Variants in LAPTM4B observed in about 807,000 individuals in gnomAD.
The protein encoded by LAPTM4B is lysosomal protein transmembrane 4 beta.
In LAPTM4B, 26 loss-of-function variants were observed where a neutral mutation model predicts 28.5. The ratio of observed to expected loss-of-function variants is 0.91; its 90% CI spans 0.67 to 1.27. The LOEUF (loss-of-function observed/expected upper bound fraction) is 1.27. Among genes scored for constraint, LAPTM4B ranks in the 50% most tolerant of loss-of-function variants. The pLI, the probability that LAPTM4B is intolerant of heterozygous loss-of-function variation, is 0.00. For synonymous variants in LAPTM4B, 109 were observed against 106.4 expected, an observed-to-expected ratio of 1.02 and a Z score of -0.15; for missense variants, 288 against 285.8, an observed-to-expected ratio of 1.01 and a Z score of -0.06.
chr8:97,829,696 CT>C (rs926939613), intron 6 of LAPTM4B, among the ~76,000 whole-genome samples: 68 of 147,216 alleles, frequency 4.6e-4, no homozygotes, highest in Admixed American at 5.4e-4. Flanking sequence ...TTTCTTTCTT[CT>C]TTTTTTTTTT....
intron 2 of LAPTM4B, among the ~76,000 whole-genome samples, chr8:97,807,157 T>C (rs1254048990): frequency 1.3e-5 from 2 of 152,220 alleles, no homozygotes; most frequent in East Asian, 3.8e-4. Flanking sequence ...GTTTGAGTTC[T>C]GACACCGCCG....
At chr8:97,781,278 CTTTTTTTTTTTTTTT>C (rs71271147) in intron 1 of LAPTM4B, among the ~76,000 whole-genome samples, 1 of 50,820 alleles carries the variant, frequency 2.0e-5, no homozygotes, top group African/African-American at 1.1e-4. Context: ...TGTGCCCGGC[CTTTTTTTTTTTTTTT>C]TTTTTTGAGG....
chr8:97,786,902 C>A (rs745903724), intron 1 of LAPTM4B, among the ~76,000 whole-genome samples: 13 of 151,996 alleles, frequency 8.6e-5, no homozygotes, highest in Non-Finnish European at 2.9e-5. Context: ...AACAAAGAAA[C>A]GCAAAACTGC....
intron 2 of LAPTM4B, among the ~76,000 whole-genome samples, chr8:97,806,804 A>G (rs1159972707): frequency 2.6e-5 from 4 of 152,130 alleles, no homozygotes; most frequent in African/African-American, 9.7e-5. Context: ...TAAAAATAGA[A>G]AAATTAGCCC....
At chr8:97,791,257 G>A (rs1816492801) in intron 1 of LAPTM4B, among the ~76,000 whole-genome samples, 1 of 152,142 alleles carries the variant, frequency 6.6e-6, no homozygotes, top group Non-Finnish European at 1.5e-5. Context: ...CCTGAACTCG[G>A]CTCTGGGCTG....
At chr8:97,827,537 C>A (rs530486724) in intron 6 of LAPTM4B, among the ~76,000 whole-genome samples, 2 of 152,264 alleles carry the variant, frequency 1.3e-5, no homozygotes, top group South Asian at 4.2e-4. Context: ...GTTATGGGAA[C>A]CTCAACTTGA....
At chr8:97,798,988 T>TCACCAGG (rs1263182452) in intron 1 of LAPTM4B, among the ~76,000 whole-genome samples, 1 of 152,204 alleles carries the variant, frequency 6.6e-6, no homozygotes, top group Non-Finnish European at 1.5e-5. Context: ...ATACATCCTG[T>TCACCAGG]CACCAGGCTT....
intron 6 of LAPTM4B, among the ~76,000 whole-genome samples, chr8:97,829,413 G>T (rs1405208243): frequency 6.6e-6 from 1 of 152,138 alleles, no homozygotes; most frequent in Non-Finnish European, 1.5e-5. Context: ...GGACTGGAAT[G>T]CTCCAATTTT....
At chr8:97,823,401 G>A (rs1336045960) in intron 5 of LAPTM4B, among the ~76,000 whole-genome samples, 2 of 145,256 alleles carry the variant, frequency 1.4e-5, no homozygotes, top group African/African-American at 5.1e-5. Context: ...TTGAGACGGA[G>A]TCTCACTCTG....
intron 6 of LAPTM4B, 58 bp from the exon 7 acceptor site, chr8:97,851,339 C>T: frequency 1.4e-6 from 2 of 1,395,152 alleles, no homozygotes; most frequent in South Asian, 1.2e-5. Flanking sequence ...AAAGCTAAAC[C>T]TCGGGGAACG....
chr8:97,813,525 A>G (rs966824192), intron 2 of LAPTM4B, among the ~76,000 whole-genome samples: 3 of 152,254 alleles, frequency 2.0e-5, no homozygotes, highest in African/African-American at 7.2e-5. Context: ...ACACCCAGGA[A>G]CAATACTTTG....
At chr8:97,819,067 C>G in intron 4 of LAPTM4B, 73 bp from the exon 5 acceptor site, 1 of 901,652 alleles carries the variant, frequency 1.1e-6, no homozygotes. Context: ...ATAAGCATGT[C>G]TGAATTGGTG....
intron 1 of LAPTM4B, among the ~76,000 whole-genome samples, chr8:97,797,248 C>T (rs1242186063): frequency 6.6e-6 from 1 of 151,770 alleles, no homozygotes; most frequent in Non-Finnish European, 1.5e-5. Flanking sequence ...GATTCTCCTG[C>T]CTCAGCCTTC....
chr8:97,782,910 ATTTATT>A lies in LAPTM4B; in HGVS notation c.99+6804_99+6809del. On this transcript the variant is annotated intron_variant, in intron 1 of 6. Transcript: ENST00000521545. ...CCATACCTGGCTAATTTTGTATTTT[ATTTATT>A]TATTTATTTATTTATTTATTTATTT... is the stretch of plus-strand genomic sequence containing the variant. Among the ~76,000 whole-genome samples, 3 of 132,058 alleles carry A rather than the reference ATTTATT, an allele frequency of 2.3e-5. No homozygotes were observed. In the South Asian group the frequency reaches 7.6e-4, roughly 33 times the overall value. The allele number at this position is 132,058 out of a possible 152,430, so 86.6% of individuals were successfully genotyped here.
intron 1 of LAPTM4B, among the ~76,000 whole-genome samples, chr8:97,780,042 C>T (rs147111301): frequency 5.7e-4 from 63 of 110,564 alleles, no homozygotes; most frequent in African/African-American, 2.3e-3. Context: ...CAGAGTGAGA[C>T]TCTGTCTCAA....
chr8:97,847,993 G>C (rs1334469625), intron 6 of LAPTM4B, among the ~76,000 whole-genome samples: 1 of 152,244 alleles, frequency 6.6e-6, no homozygotes, highest in Admixed American at 6.5e-5. Flanking sequence ...GCTGGGCATG[G>C]TGGCTCATGC....
At chr8:97,780,002 G>C (rs867030999) in intron 1 of LAPTM4B, among the ~76,000 whole-genome samples, 8 of 138,074 alleles carry the variant, frequency 5.8e-5, no homozygotes, top group African/African-American at 1.9e-4. Flanking sequence ...CGTGAGCCGA[G>C]ATCACGCCAC....
chr8:97,848,622 C>A (rs765112294), intron 6 of LAPTM4B, among the ~76,000 whole-genome samples: 4 of 152,144 alleles, frequency 2.6e-5, no homozygotes, highest in African/African-American at 9.7e-5. Context: ...GAGTTCTACA[C>A]CAGCCTGGGC....
At chr8:97,838,345 A>G (rs900446895) in intron 6 of LAPTM4B, among the ~76,000 whole-genome samples, 1 of 151,996 alleles carries the variant, frequency 6.6e-6, no homozygotes, top group Non-Finnish European at 1.5e-5. Flanking sequence ...TTGATGCTGT[A>G]CTCCTCTCTG....
Sources: gnomAD v4.1 joint callset for allele counts (sites outside exome capture counted in the v4.1 genomes callset) on GRCh38, gnomAD v4.1.1 for gene constraint, MANE v1.5 for transcripts, NCBI Gene and HGNC (gene_info 2026-07-23, HGNC 2026-07-21) for gene names.